The following LARGE1 variants were observed in gnomAD, a reference collection of about 807,000 sequenced individuals.
LARGE1 encodes xylosyl- and glucuronyltransferase LARGE1.
LARGE1 carries 43 observed loss-of-function variants against 87.6 expected under a neutral mutation model. The ratio of observed to expected loss-of-function variants is 0.49; its 90% CI spans 0.38 to 0.63. The LOEUF is 0.63. Ranked by LOEUF, LARGE1 falls within the 30% of genes least tolerant of loss-of-function variation. The pLI, the probability that LARGE1 is intolerant of heterozygous loss-of-function variation, is 0.00. For synonymous variants in LARGE1, 434 were observed against 394.6 expected (o/e 1.10, Z -1.18); for missense variants, 802 against 1,000.2 (o/e 0.80, Z 2.67).
intron 7 of LARGE1, among the ~76,000 whole-genome samples, chr22:33,391,226 T>C (rs2065510154): frequency 6.6e-6 from 1 of 152,160 alleles, no homozygotes; most frequent in African/African-American, 2.4e-5. Flanking sequence ...AATTTTTTTA[T>C]TTGAGCACCT....
At chr22:33,677,179 T>C (rs755260493) in intron 2 of LARGE1, among the ~76,000 whole-genome samples, 4 of 151,412 alleles carry the variant, frequency 2.6e-5, no homozygotes, top group Non-Finnish European at 5.9e-5. Flanking sequence ...AGCTAATTGC[T>C]TAATAAATGA....
intron 11 of LARGE1, among the ~76,000 whole-genome samples, chr22:33,179,553 G>A (rs1210836899): frequency 6.6e-6 from 1 of 152,168 alleles, no homozygotes; most frequent in African/African-American, 2.4e-5. Flanking sequence ...GTACTGTTTG[G>A]GGAAATATTT....
chr22:33,420,916 G>A (rs1476062262), intron 7 of LARGE1, among the ~76,000 whole-genome samples: 3 of 152,154 alleles, frequency 2.0e-5, no homozygotes, highest in Admixed American at 6.5e-5. Context: ...GGCTGGGCGC[G>A]GTGGCTCATG....
intron 11 of LARGE1, among the ~76,000 whole-genome samples, chr22:33,202,040 G>A (rs562587995): frequency 2.1e-3 from 318 of 152,088 alleles, no homozygotes; most frequent in African/African-American, 7.4e-3. Context: ...GGAGGCTGAG[G>A]CAGGAGGATC....
At chr22:33,825,645 C>G (rs1423258977) in intron 1 of LARGE1, among the ~76,000 whole-genome samples, 1 of 152,156 alleles carries the variant, frequency 6.6e-6, no homozygotes, top group East Asian at 1.9e-4. Context: ...GGTAACTGCT[C>G]CCTTGATTCA....
the LARGE1 span, among the ~76,000 whole-genome samples, chr22:33,075,310 G>A: frequency 6.6e-6 from 1 of 151,998 alleles, no homozygotes; most frequent in Non-Finnish European, 1.5e-5. Context: ...TAGAATAGTT[G>A]AAGAATTTCA....
chr22:33,869,974 G>A (rs2064225608), intron 1 of LARGE1, among the ~76,000 whole-genome samples: 3 of 152,208 alleles, frequency 2.0e-5, no homozygotes, highest in South Asian at 4.1e-4. Flanking sequence ...CCCTAGTTAT[G>A]AGTTGAATTG....
intron 6 of LARGE1, among the ~76,000 whole-genome samples, chr22:33,460,792 G>A (rs1014311110): frequency 2.6e-5 from 4 of 152,140 alleles, no homozygotes; most frequent in African/African-American, 9.7e-5. Context: ...ACCTTTGATG[G>A]GTAAAGAAGT....
intron 6 of LARGE1, among the ~76,000 whole-genome samples, chr22:33,476,280 C>A (rs1031259442): frequency 5.3e-5 from 8 of 152,154 alleles, no homozygotes; most frequent in Non-Finnish European, 1.0e-4. Flanking sequence ...ATTCATTGAG[C>A]CAGACTAAGG....
At chr22:33,157,013 G>A in the LARGE1 span, among the ~76,000 whole-genome samples, 1,007 of 152,208 alleles carry the variant, frequency 6.6e-3, 4 homozygotes, top group Middle Eastern at 0.014. Context: ...ACCTTCTGCC[G>A]TGATTGTGAG....
intron 13 of LARGE1, among the ~76,000 whole-genome samples, chr22:33,282,306 T>C (rs147537718): frequency 2.6e-5 from 4 of 152,254 alleles, no homozygotes; most frequent in East Asian, 1.9e-4. Flanking sequence ...GACCACGCCA[T>C]TGCACTCCAG....
At chr22:33,112,399 G>T in the LARGE1 span, among the ~76,000 whole-genome samples, 1 of 152,216 alleles carries the variant, frequency 6.6e-6, no homozygotes, top group Non-Finnish European at 1.5e-5. Context: ...GGGATTAAAC[G>T]AGAGAATGCA....
chr22:33,186,896 A>C (rs2146180831), intron 11 of LARGE1, among the ~76,000 whole-genome samples: 1 of 152,312 alleles, frequency 6.6e-6, no homozygotes, highest in Admixed American at 6.5e-5. Context: ...ATTTAGATAT[A>C]TAAATTTATG....
intron 1 of LARGE1, among the ~76,000 whole-genome samples, chr22:33,763,955 T>A (rs929957206): frequency 2.5e-4 from 37 of 146,964 alleles, no homozygotes; most frequent in African/African-American, 9.3e-4. Flanking sequence ...GTTCAAGGGA[T>A]TCTCCTGCCT....
chr22:33,234,552 G>A (rs1269332144), intron 11 of LARGE1, among the ~76,000 whole-genome samples: 1 of 151,964 alleles, frequency 6.6e-6, no homozygotes, highest in Non-Finnish European at 1.5e-5. Flanking sequence ...GTTTTGTTTT[G>A]TTTTTTGAGA....
chr22:33,388,671 T>C (rs1267862086), intron 7 of LARGE1, among the ~76,000 whole-genome samples: 2 of 152,164 alleles, frequency 1.3e-5, no homozygotes, highest in African/African-American at 4.8e-5. Flanking sequence ...GTTCAAGCAA[T>C]TCTCCTGCCT....
intron 6 of LARGE1, among the ~76,000 whole-genome samples, chr22:33,475,773 A>AT (rs1233967207): frequency 9.9e-5 from 15 of 152,020 alleles, no homozygotes; most frequent in Non-Finnish European, 2.2e-4. Context: ...CTAACTCATT[A>AT]TTTTTTTCAC....
chr22:33,904,480 T>C (rs1328879153), intron 1 of LARGE1, among the ~76,000 whole-genome samples: 3 of 152,128 alleles, frequency 2.0e-5, no homozygotes, highest in African/African-American at 7.2e-5. Flanking sequence ...CCAGATGTAC[T>C]GGGAAAAAGA....
At chr22:33,542,858 C>A (rs1480636214) in intron 6 of LARGE1, among the ~76,000 whole-genome samples, 1 of 152,064 alleles carries the variant, frequency 6.6e-6, no homozygotes, top group Non-Finnish European at 1.5e-5. Context: ...TAGAGGGACT[C>A]GCCTACAGCT....
Sources: allele counts gnomAD v4.1 joint callset (sites outside exome capture counted in the v4.1 genomes callset), GRCh38; gene constraint gnomAD v4.1.1; transcripts MANE v1.5; gene names NCBI Gene and HGNC (gene_info 2026-07-23, HGNC 2026-07-21).